The following WDFY4 variants were observed in gnomAD, a reference collection of about 807,000 sequenced individuals.
WDFY4 encodes WD repeat- and FYVE domain-containing protein 4.
In WDFY4, 169 loss-of-function variants were observed where a neutral mutation model predicts 351.9. The ratio of observed to expected loss-of-function variants is 0.48; its 90% CI spans 0.42 to 0.55. The LOEUF (loss-of-function observed/expected upper bound fraction) is 0.55. Among genes scored for constraint, WDFY4 ranks in the 20% least tolerant of loss-of-function variants. The pLI is 0.00. For missense variants in WDFY4, 3,803 were observed against 3,935.6 expected (o/e 0.97, Z 0.90); for synonymous variants, 1,622 against 1,574.6 (o/e 1.03, Z -0.71).
chr10:48,946,991 T>TACACACACACACACACACACACACAC (rs57927796), intron 51 of WDFY4, 22 bp downstream of exon 51: 1 of 1,036,158 alleles, frequency 9.7e-7, no homozygotes, highest in African/African-American at 1.7e-5. Flanking sequence ...CCACTCTCTG[T>TACACACACACACACACACACACACAC]ACACACACAC....
intron 24 of WDFY4, among the ~76,000 whole-genome samples, chr10:48,800,365 T>A (rs896831207): frequency 5.9e-5 from 9 of 151,760 alleles, no homozygotes; most frequent in Admixed American, 2.6e-4. Flanking sequence ...TGATGACTGG[T>A]GTGAAGCAGA....
At chr10:48,949,364 G>C (rs934537750) in intron 51 of WDFY4, among the ~76,000 whole-genome samples, 1 of 152,226 alleles carries the variant, frequency 6.6e-6, no homozygotes, top group Non-Finnish European at 1.5e-5. Context: ...CTCTCGAGAG[G>C]ATGAGTATAA....
At chr10:48,808,952 A>G (rs1199548133) in intron 28 of WDFY4, among the ~76,000 whole-genome samples, 1 of 152,206 alleles carries the variant, frequency 6.6e-6, no homozygotes, top group Non-Finnish European at 1.5e-5. Flanking sequence ...TGAAAATGTA[A>G]TTGTGTTTTT....
In WDFY4 at chr10:48,894,936, G is replaced by A. The variant is rs1242327095; in HGVS notation, c.7317-2518G>A. Reference sequence around the variant, plus strand: ...GATAGAGACATTAATAATGGACAAAGGACCTCAGCCAGCAGCCGGTTTGTA... The same window carrying A: ...GATAGAGACATTAATAATGGACAAAAGACCTCAGCCAGCAGCCGGTTTGTA... On this transcript the variant is annotated intron_variant, in intron 44 of 61. Coordinates refer to ENST00000325239, the MANE Select transcript of WDFY4 (RefSeq NM_001394531.1). Among the ~76,000 whole-genome samples the A allele has an allele frequency of 2.0e-5, 3 of 152,216 alleles. No homozygotes were observed. The East Asian group carries it at 5.8e-4, about 29-fold the overall frequency.
At chr10:48,837,212 G>C (rs368166821) in intron 39 of WDFY4, among the ~76,000 whole-genome samples, 35 of 151,892 alleles carry the variant, frequency 2.3e-4, no homozygotes, top group African/African-American at 8.2e-4. Context: ...AGGGGCCATG[G>C]AGGAGGTGAC....
chr10:48,817,600 G>C (rs1411305962), intron 32 of WDFY4, among the ~76,000 whole-genome samples, 191 bp downstream of exon 32: 1 of 152,226 alleles, frequency 6.6e-6, no homozygotes, highest in Non-Finnish European at 1.5e-5. Context: ...GTCATTTTCA[G>C]CTCTGAGATT....
At position 48,943,244 on chromosome 10, in the gene WDFY4, TG is replaced by T. The variant is rs538486479; in HGVS notation, c.7630-85del. The T allele has an allele frequency of 2.8e-5, 42 of 1,484,118 alleles. No homozygotes were observed. The African/African-American group carries it at 5.4e-4, about 19-fold the overall frequency. The allele number at this position is 1,484,118 out of a possible 1,614,324, so 91.9% of individuals were successfully genotyped here. A position where few individuals can be genotyped will look rare whatever the true frequency, so the allele number is the denominator to read the frequency against. On this transcript the variant is annotated intron_variant, in intron 48 of 61. Coordinates refer to ENST00000325239, the MANE Select transcript of WDFY4 (RefSeq NM_001394531.1). Reference sequence around the variant, plus strand: ...TGTCCTCACCCACAGAGCCAGGGCCTGCTGCCGAGGCCTGAGGGTGGGACCC... The same window carrying T: ...TGTCCTCACCCACAGAGCCAGGGCCTCTGCCGAGGCCTGAGGGTGGGACCC...
chr10:48,934,541 C>T (rs918804718), intron 47 of WDFY4, among the ~76,000 whole-genome samples: 1 of 152,164 alleles, frequency 6.6e-6, no homozygotes, highest in Non-Finnish European at 1.5e-5. Context: ...CTGTGTGTCC[C>T]ATGAAGAATC....
At position 48,808,412 on chromosome 10, in the gene WDFY4, C is replaced by T. The variant is rs116542417; in HGVS notation, c.4838+454C>T. Reference sequence around the variant, plus strand: ...CCAAGTTGGAAAAAGAAGTATCTACCGTCAATTAACTTCTAAAATCAAGTG... The same window carrying T: ...CCAAGTTGGAAAAAGAAGTATCTACTGTCAATTAACTTCTAAAATCAAGTG... On this transcript the variant is annotated intron_variant, in intron 28 of 61. Coordinates refer to ENST00000325239, the MANE Select transcript of WDFY4 (RefSeq NM_001394531.1). 4.1e-3 allele frequency among the ~76,000 whole-genome samples: 622 copies of T among 152,260 alleles called. 5 individuals are homozygous for T. The highest frequency in any genetic ancestry group is 0.014 in the African/African-American group (565 of 41,538).
intron 12 of WDFY4, chr10:48,745,817 G>C (rs1457041734): frequency 2.8e-6 from 1 of 359,610 alleles, no homozygotes; most frequent in Non-Finnish European, 5.2e-6. Context: ...AGGGCGGTGG[G>C]ATTCCATCGA....
Position 48,822,519 on chromosome 10 carries a change from C to T in WDFY4, c.5964C>T (p.Ile1988=), listed in dbSNP as rs2067859252. 6.5e-7 allele frequency: 1 copy of T among 1,545,530 alleles called. No homozygotes were observed. Among genetic ancestry groups the T allele is most frequent in the Non-Finnish European group, 8.7e-7 (1 of 1,143,256 alleles). Residue 1988 remains isoleucine (I), a synonymous_variant, in exon 35 of 62, where the codon ATC becomes ATT. Transcript: ENST00000325239. ...ACCCCAGGCATATCCTCCTCTTCATCCTGGAGCACATCATGGTGGTAAGAG... is the reference window on the plus strand; with the variant it reads ...ACCCCAGGCATATCCTCCTCTTCATTCTGGAGCACATCATGGTGGTAAGAG... ...SADPRHILLF[I]LEHIMVVIET...
At chr10:48,925,175 A>G (rs1406104857) in intron 47 of WDFY4, among the ~76,000 whole-genome samples, 1 of 152,080 alleles carries the variant, frequency 6.6e-6, no homozygotes, top group African/African-American at 2.4e-5. Flanking sequence ...CTCTCTCCCG[A>G]CCCTCATATT....
chr10:48,860,088 T>G (rs1237455391), intron 39 of WDFY4, among the ~76,000 whole-genome samples: 1 of 152,258 alleles, frequency 6.6e-6, no homozygotes, highest in East Asian at 1.9e-4. Context: ...CTTTTTCATC[T>G]ATGTTAGTGT....
At chr10:48,714,301 C>T (rs914547951) in intron 2 of WDFY4, among the ~76,000 whole-genome samples, 1 of 152,168 alleles carries the variant, frequency 6.6e-6, no homozygotes, top group Non-Finnish European at 1.5e-5. Context: ...AATGGCTTTG[C>T]CTGGCTAAGA....
chr10:48,806,954 G>A (rs1049462795), intron 27 of WDFY4, among the ~76,000 whole-genome samples: 3 of 152,172 alleles, frequency 2.0e-5, no homozygotes, highest in African/African-American at 7.2e-5. Context: ...TCACAAAAGA[G>A]TCTCCTGGAT....
At chr10:48,945,779 A>G (rs536416290) in intron 49 of WDFY4, among the ~76,000 whole-genome samples, 1 of 152,364 alleles carries the variant, frequency 6.6e-6, no homozygotes, top group African/African-American at 2.4e-5. Flanking sequence ...GCTGGAGGCC[A>G]TGTTCTGATT....
At chr10:48,738,319 G>C (rs1323760809) in intron 11 of WDFY4, among the ~76,000 whole-genome samples, 1 of 152,214 alleles carries the variant, frequency 6.6e-6, no homozygotes, top group East Asian at 1.9e-4. Flanking sequence ...TGGGCAATAG[G>C]ACTAAATGTC....
At chr10:48,735,783 A>G (rs2064639012) in intron 10 of WDFY4, 97 bp from the exon 11 acceptor site, 1 of 1,254,632 alleles carries the variant, frequency 8.0e-7, no homozygotes, top group African/African-American at 1.5e-5. Context: ...AGCAAAATGA[A>G]GTTTGAAAAT....
At chr10:48,817,676 G>T (rs11101513) in intron 32 of WDFY4, among the ~76,000 whole-genome samples, 2 of 152,236 alleles carry the variant, frequency 1.3e-5, no homozygotes, top group Non-Finnish European at 2.9e-5. Context: ...AAAGTCCATT[G>T]TCTGTGGCAT....
Sources: allele counts gnomAD v4.1 joint callset (sites outside exome capture counted in the v4.1 genomes callset), GRCh38; gene constraint gnomAD v4.1.1; transcripts MANE v1.5; gene names NCBI Gene and HGNC (gene_info 2026-07-23, HGNC 2026-07-21).